PTPRT: variants seen among roughly 807,000 people sequenced by gnomAD.
PTPRT encodes receptor-type tyrosine-protein phosphatase T.
PTPRT carries 56 observed loss-of-function variants against 176.8 expected under a neutral mutation model. That is an observed-to-expected ratio of 0.32 (90% CI 0.26 to 0.40). PTPRT has a LOEUF of 0.40. PTPRT is among the 10% of genes least tolerant of loss of function. The probability of loss-of-function intolerance (pLI) is 1.00; values close to 1 mark genes in which losing one functional copy is unlikely to be tolerated. For missense variants in PTPRT, 1,540 were observed against 1,908.2 expected (o/e 0.81, Z 3.60); for synonymous variants, 783 against 739.0 (o/e 1.06, Z -0.96).
intron 1 of PTPRT, among the ~76,000 whole-genome samples, chr20:43,155,328 A>G (rs1244130537): frequency 1.3e-5 from 2 of 152,244 alleles, no homozygotes; most frequent in East Asian, 1.9e-4. Flanking sequence ...AATATACACA[A>G]TGGAATACCA....
At chr20:42,854,094 C>G (rs1307537746) in intron 2 of PTPRT, among the ~76,000 whole-genome samples, 1 of 152,186 alleles carries the variant, frequency 6.6e-6, no homozygotes, top group East Asian at 1.9e-4. Flanking sequence ...CACAATACCT[C>G]GTCACAACAT....
chr20:42,959,574 C>T (rs1015248903), intron 1 of PTPRT, among the ~76,000 whole-genome samples: 3 of 152,140 alleles, frequency 2.0e-5, no homozygotes, highest in African/African-American at 7.2e-5. Context: ...GACTGGCCTC[C>T]ACCATACAAT....
At chr20:42,479,782 C>T (rs1450215859) in intron 7 of PTPRT, among the ~76,000 whole-genome samples, 4 of 152,164 alleles carry the variant, frequency 2.6e-5, no homozygotes, top group Admixed American at 6.5e-5. Flanking sequence ...CAGGGATGTT[C>T]GACTGGTAAG....
chr20:42,603,683 A>T (rs1210262803), intron 7 of PTPRT, among the ~76,000 whole-genome samples: 2 of 152,228 alleles, frequency 1.3e-5, no homozygotes, highest in Admixed American at 6.5e-5. Flanking sequence ...TGAAGAATGG[A>T]TAAAAGGAGT....
In PTPRT at chr20:42,915,122, G is replaced by A. The variant is rs73910618; in HGVS notation, c.89-29190C>T. 3.9e-3 allele frequency among the ~76,000 whole-genome samples: 598 copies of A among 152,238 alleles called. 3 individuals carry two copies. The highest frequency in any genetic ancestry group is 0.013 in the African/African-American group (549 of 41,568). On this transcript the variant is annotated intron_variant, in intron 1 of 30. Transcript: ENST00000373187. ...AAAGTAAAATGACTGTGCTAATGTC[G>A]TTGTTAATGTTTCGTGGTCAGAGCA...
chr20:42,439,150 T>C (rs907242346), intron 9 of PTPRT, among the ~76,000 whole-genome samples: 1 of 152,184 alleles, frequency 6.6e-6, no homozygotes, highest in African/African-American at 2.4e-5. Context: ...AAACATCTTA[T>C]GGAGGTTGAA....
intron 6 of PTPRT, among the ~76,000 whole-genome samples, chr20:42,693,515 T>C (rs918664338): frequency 6.6e-6 from 1 of 152,082 alleles, no homozygotes; most frequent in Non-Finnish European, 1.5e-5. Flanking sequence ...AATTAAGAAA[T>C]TGAAAAACAG....
At chr20:43,171,508 G>A (rs2014999898) in intron 1 of PTPRT, among the ~76,000 whole-genome samples, 1 of 152,148 alleles carries the variant, frequency 6.6e-6, no homozygotes, top group Non-Finnish European at 1.5e-5. Context: ...AAGTGTTATG[G>A]TTGGAGACAG....
intron 12 of PTPRT, among the ~76,000 whole-genome samples, chr20:42,312,802 CT>C (rs11482597): frequency 0.012 from 1,401 of 112,288 alleles, 14 homozygotes; most frequent in African/African-American, 0.034. Flanking sequence ...GAGTGAGATC[CT>C]TTTTTTTTTT....
At chr20:42,769,499 T>C (rs2077032436) in intron 5 of PTPRT, among the ~76,000 whole-genome samples, 1 of 152,222 alleles carries the variant, frequency 6.6e-6, no homozygotes, top group Non-Finnish European at 1.5e-5. Flanking sequence ...ATGGAGCAAC[T>C]AGAACTTTCA....
intron 14 of PTPRT, among the ~76,000 whole-genome samples, chr20:42,236,593 A>ATTTTTTTTT (rs11480202): frequency 7.4e-6 from 1 of 135,638 alleles, no homozygotes; most frequent in Non-Finnish European, 1.6e-5. Flanking sequence ...TGTAATTATG[A>ATTTTTTTTT]TTTTTTTTTT....
rs78000376 is a variant in PTPRT, at chr20:42,075,003, C to A, written c.*5876G>T. On this transcript the variant is annotated 3_prime_UTR_variant, in exon 31 of 31. Coordinates refer to ENST00000373187, the MANE Select transcript of PTPRT (RefSeq NM_007050.6). ...AAACTGGAGCTAGAACAGCTCCCCCCACACTCCACCACTAACCTCTCTCCC... is the reference window on the plus strand; with the variant it reads ...AAACTGGAGCTAGAACAGCTCCCCCAACACTCCACCACTAACCTCTCTCCC... The A allele has an allele frequency of 4.3e-5, 17 of 392,920 alleles. No homozygotes were observed. The highest frequency in any genetic ancestry group is 3.1e-4 in the Admixed American group (7 of 22,462). The allele number at this position is 392,920 out of a possible 1,614,324, so 24.3% of individuals were successfully genotyped here.
chr20:42,782,282 C>T (rs1413676175), intron 3 of PTPRT, among the ~76,000 whole-genome samples: 1 of 152,292 alleles, frequency 6.6e-6, no homozygotes, highest in African/African-American at 2.4e-5. Flanking sequence ...CTTTTCACTG[C>T]ATACACTCTC....
At chr20:42,627,380 C>T (rs907339766) in intron 7 of PTPRT, among the ~76,000 whole-genome samples, 1 of 152,146 alleles carries the variant, frequency 6.6e-6, no homozygotes, top group East Asian at 1.9e-4. Context: ...CCTCTTGCCT[C>T]AACCTCCCAT....
At chr20:43,102,659 A>C (rs2425594) in intron 1 of PTPRT, among the ~76,000 whole-genome samples, 67,709 of 151,926 alleles carry the variant, frequency 0.45, 15,387 homozygotes, top group African/African-American at 0.5. Context: ...GAAGTGACAG[A>C]TGGTGGAGAA....
At chr20:42,275,461 G>A (rs1600765720) in intron 13 of PTPRT, among the ~76,000 whole-genome samples, 1 of 152,104 alleles carries the variant, frequency 6.6e-6, no homozygotes, top group East Asian at 1.9e-4. Flanking sequence ...TGAGAAAGAT[G>A]GATTGGAACT....
chr20:42,378,734 A>T (rs996888210), intron 9 of PTPRT, among the ~76,000 whole-genome samples: 3 of 152,162 alleles, frequency 2.0e-5, no homozygotes, highest in African/African-American at 4.8e-5. Flanking sequence ...TCCAGTTACC[A>T]GTTTTATGAC....
chr20:42,812,236 T>C (rs909363420), intron 2 of PTPRT, among the ~76,000 whole-genome samples: 1 of 152,166 alleles, frequency 6.6e-6, no homozygotes, highest in African/African-American at 2.4e-5. Flanking sequence ...TACTACAATA[T>C]GTAACATAAA....
At chr20:42,776,343 G>C (rs564314209) in intron 4 of PTPRT, among the ~76,000 whole-genome samples, 1 of 152,218 alleles carries the variant, frequency 6.6e-6, no homozygotes, top group South Asian at 2.1e-4. Flanking sequence ...TAGCAGCAGG[G>C]CCTTTAAAGA....
Sources: allele counts gnomAD v4.1 joint callset (sites outside exome capture counted in the v4.1 genomes callset), GRCh38; gene constraint gnomAD v4.1.1; transcripts MANE v1.5; gene names NCBI Gene and HGNC (gene_info 2026-07-23, HGNC 2026-07-21).